CDH8: variants seen among roughly 807,000 people sequenced by gnomAD.
CDH8 encodes the protein cadherin 8.
CDH8 carries 17 observed loss-of-function variants against 68.1 expected under a neutral mutation model. The ratio of observed to expected loss-of-function variants is 0.25; its 90% CI spans 0.17 to 0.37. The LOEUF is 0.37. Ranked by LOEUF, CDH8 falls within the 10% of genes least tolerant of loss-of-function variation. CDH8 has a pLI of 1.00. For missense variants in CDH8, 763 were observed against 999.3 expected (o/e 0.76, Z 3.19); for synonymous variants, 372 against 365.1 (o/e 1.02, Z -0.21).
intron 10 of CDH8, among the ~76,000 whole-genome samples, chr16:61,679,897 C>A (rs549068740): frequency 8.6e-5 from 13 of 151,918 alleles, no homozygotes; most frequent in African/African-American, 2.9e-4. Flanking sequence ...GTTAAACAAC[C>A]GAAAAGAATT....
chr16:61,933,857 C>T (rs1351691141), intron 2 of CDH8, among the ~76,000 whole-genome samples: 2 of 152,076 alleles, frequency 1.3e-5, no homozygotes, highest in Non-Finnish European at 2.9e-5. Context: ...AAGAGAGATA[C>T]ATATGTTAAT....
At chr16:61,773,600 G>T (rs1015678144) in intron 8 of CDH8, among the ~76,000 whole-genome samples, 1 of 151,868 alleles carries the variant, frequency 6.6e-6, no homozygotes, top group Admixed American at 6.6e-5. Flanking sequence ...ACATCTCTGA[G>T]TATGGTTTCT....
intron 2 of CDH8, among the ~76,000 whole-genome samples, chr16:62,007,350 A>C (rs931966770): frequency 6.6e-6 from 1 of 152,220 alleles, no homozygotes; most frequent in African/African-American, 2.4e-5. Flanking sequence ...TTAAAGACTA[A>C]TTATTAAATT....
At chr16:61,789,712 C>T (rs575758847) in intron 7 of CDH8, among the ~76,000 whole-genome samples, 1 of 152,126 alleles carries the variant, frequency 6.6e-6, no homozygotes, top group East Asian at 1.9e-4. Flanking sequence ...TCATAAACTG[C>T]CATCAGTTTC....
intron 4 of CDH8, among the ~76,000 whole-genome samples, chr16:61,827,935 G>A (rs956055229): frequency 1.1e-4 from 17 of 151,988 alleles, no homozygotes; most frequent in African/African-American, 4.1e-4. Context: ...ATAGAATAGT[G>A]TAAGAGGCTT....
In CDH8 at chr16:61,772,554, C is replaced by T. The variant is rs149969562; in HGVS notation, c.1414+16792G>A. Among the ~76,000 whole-genome samples, 1,005 of 152,116 alleles carry T rather than the reference C, an allele frequency of 6.6e-3. 13 individuals carry two copies. Among genetic ancestry groups the T allele is most frequent in the Admixed American group, 0.027 (419 of 15,250 alleles). ...AACCGGCCTAGCACACAGTAAGCTG[C>T]GACACTTTTAATTGTAATTATATTT... On this transcript the variant is annotated intron_variant, in intron 8 of 11. Coordinates refer to ENST00000577390, the MANE Select transcript of CDH8 (RefSeq NM_001796.5).
At chr16:61,788,852 TA>T (rs993818078) in intron 8 of CDH8, among the ~76,000 whole-genome samples, 2 of 151,684 alleles carry the variant, frequency 1.3e-5, no homozygotes, top group East Asian at 1.9e-4. Flanking sequence ...CATTAGACTC[TA>T]AAAAAAACAA....
intron 4 of CDH8, among the ~76,000 whole-genome samples, chr16:61,839,308 A>G (rs191827227): frequency 6.6e-6 from 1 of 152,292 alleles, no homozygotes; most frequent in Admixed American, 6.5e-5. Context: ...TGAACCTATC[A>G]ATCAGCCACT....
At chr16:61,812,794 C>T (rs1961981434) in intron 7 of CDH8, among the ~76,000 whole-genome samples, 1 of 152,138 alleles carries the variant, frequency 6.6e-6, no homozygotes, top group South Asian at 2.1e-4. Context: ...GAAGAGCGTG[C>T]ATAGGTATAG....
At chr16:61,825,532 C>T (rs1222593465) in intron 4 of CDH8, among the ~76,000 whole-genome samples, 1 of 151,812 alleles carries the variant, frequency 6.6e-6, no homozygotes, top group Non-Finnish European at 1.5e-5. Context: ...AAGAATTCTC[C>T]AATTTATCAC....
intron 8 of CDH8, among the ~76,000 whole-genome samples, chr16:61,760,579 C>T (rs968920749): frequency 3.3e-5 from 5 of 152,066 alleles, no homozygotes; most frequent in Admixed American, 2.6e-4. Flanking sequence ...TCTTAAAGTG[C>T]TGGGATTACA....
chr16:61,845,044 C>T (rs1052442091), intron 4 of CDH8, among the ~76,000 whole-genome samples: 2 of 152,106 alleles, frequency 1.3e-5, no homozygotes, highest in African/African-American at 4.8e-5. Flanking sequence ...TTCCTTGACC[C>T]CATTTGGTAA....
intron 7 of CDH8, among the ~76,000 whole-genome samples, chr16:61,790,433 G>A (rs1961352091): frequency 6.6e-6 from 1 of 152,006 alleles, no homozygotes; most frequent in Admixed American, 6.6e-5. Flanking sequence ...AGTAAGCAGT[G>A]ATGCACTAAA....
intron 3 of CDH8, among the ~76,000 whole-genome samples, chr16:61,865,455 T>C (rs1339104610): frequency 6.6e-6 from 1 of 152,142 alleles, no homozygotes; most frequent in African/African-American, 2.4e-5. Context: ...GTAATGTGCA[T>C]TGGGTGAGAG....
At chr16:61,996,364 T>C (rs1039139546) in intron 2 of CDH8, among the ~76,000 whole-genome samples, 1 of 152,216 alleles carries the variant, frequency 6.6e-6, no homozygotes, top group East Asian at 1.9e-4. Flanking sequence ...GGAGAATGAA[T>C]GCAACTAAAA....
intron 9 of CDH8, chr16:61,725,400 T>C (rs1311244491): frequency 6.6e-6 from 1 of 150,856 alleles, no homozygotes. Context: ...TTTTGAAATA[T>C]CAATGTCATT....
chr16:61,963,045 G>A (rs574915001), intron 2 of CDH8, among the ~76,000 whole-genome samples: 28 of 152,046 alleles, frequency 1.8e-4, no homozygotes, highest in East Asian at 3.9e-4. Flanking sequence ...TTTTCCTGTC[G>A]ATAAACACGT....
At chr16:61,665,807 T>TTCCTTCCTTC (rs1567410685) in intron 10 of CDH8, among the ~76,000 whole-genome samples, 6 of 70,354 alleles carry the variant, frequency 8.5e-5, no homozygotes, top group Non-Finnish European at 1.5e-4. Flanking sequence ...TTCCTTCCTT[T>TTCCTTCCTTC]CCCTCCTTCC....
intron 3 of CDH8, among the ~76,000 whole-genome samples, chr16:61,874,459 G>C (rs929090440): frequency 6.6e-6 from 1 of 151,868 alleles, no homozygotes; most frequent in African/African-American, 2.4e-5. Flanking sequence ...AGCCTCCCGA[G>C]TAGCTGGGAC....
Sources: allele counts gnomAD v4.1 joint callset (sites outside exome capture counted in the v4.1 genomes callset), GRCh38; gene constraint gnomAD v4.1.1; transcripts MANE v1.5; gene names NCBI Gene and HGNC (gene_info 2026-07-23, HGNC 2026-07-21).